ABCC9: variants seen among roughly 807,000 people sequenced by gnomAD.
The protein encoded by ABCC9 is ATP binding cassette subfamily C member 9.
A neutral mutation model predicts 188.3 loss-of-function variants in ABCC9; 95 were observed. The ratio of observed to expected loss-of-function variants is 0.50; its 90% CI spans 0.43 to 0.60. ABCC9 has a LOEUF of 0.60. Ranked by LOEUF, ABCC9 falls within the 20% of genes least tolerant of loss-of-function variation. ABCC9 has a pLI of 0.00. For synonymous variants in ABCC9, 659 were observed against 652.7 expected (o/e 1.01, Z -0.15); for missense variants, 1,102 against 1,876.3 (o/e 0.59, Z 7.62).
intron 39 of ABCC9, among the ~76,000 whole-genome samples, chr12:21,801,456 G>C (rs1419138306): frequency 6.6e-6 from 1 of 152,130 alleles, no homozygotes; most frequent in Non-Finnish European, 1.5e-5. Flanking sequence ...GAAACCTTAA[G>C]TTTAAGTAGG....
chr12:21,887,726 C>T, intron 15 of ABCC9, 100 bp downstream of exon 15: 1 of 848,748 alleles, frequency 1.2e-6, no homozygotes, highest in Non-Finnish European at 2.0e-6. Context: ...GGGTTAAAAA[C>T]TAAAGCTTAT....
At chr12:21,857,288 T>C (rs1945274130) in intron 22 of ABCC9, among the ~76,000 whole-genome samples, 1 of 152,142 alleles carries the variant, frequency 6.6e-6, no homozygotes, top group Non-Finnish European at 1.5e-5. Flanking sequence ...TGTGGAAGAA[T>C]TGAAAATACT....
intron 30 of ABCC9, among the ~76,000 whole-genome samples, chr12:21,834,301 G>A (rs1282578906): frequency 6.6e-6 from 1 of 152,102 alleles, no homozygotes; most frequent in Non-Finnish European, 1.5e-5. Context: ...CTCTCCCTTA[G>A]TAGGAAGATG....
intron 36 of ABCC9, 26 bp downstream of exon 36, chr12:21,812,023 C>T (rs1291173167): frequency 4.0e-6 from 6 of 1,482,566 alleles, no homozygotes; most frequent in Admixed American, 1.7e-5. Flanking sequence ...CTAAGGCATA[C>T]AGGTGTTGCT....
At chr12:21,803,165 C>T (rs1306890559) in intron 39 of ABCC9, among the ~76,000 whole-genome samples, 1 of 151,854 alleles carries the variant, frequency 6.6e-6, no homozygotes, top group African/African-American at 2.4e-5. Context: ...GCCATTTGCA[C>T]ACCCATGCAT....
intron 13 of ABCC9, 93 bp from the exon 14 acceptor site, chr12:21,894,267 C>A (rs1445506692): frequency 4.4e-6 from 6 of 1,351,780 alleles, no homozygotes; most frequent in Non-Finnish European, 6.3e-6. Context: ...TCTGCTATGC[C>A]AGTATGTCCA....
At chr12:21,821,386 T>C (rs1446561987) in intron 31 of ABCC9, among the ~76,000 whole-genome samples, 2 of 152,142 alleles carry the variant, frequency 1.3e-5, no homozygotes, top group Non-Finnish European at 2.9e-5. Context: ...ACCTAAGCCA[T>C]GAATTTCATC....
chr12:21,913,862 C>A (rs1469381347), intron 7 of ABCC9, among the ~76,000 whole-genome samples: 3 of 152,138 alleles, frequency 2.0e-5, no homozygotes, highest in Non-Finnish European at 2.9e-5. Context: ...GTTCCCTATG[C>A]AACCCCCTGT....
intron 31 of ABCC9, among the ~76,000 whole-genome samples, chr12:21,822,996 A>C (rs1943146523): frequency 6.6e-6 from 1 of 152,174 alleles, no homozygotes; most frequent in South Asian, 2.1e-4. Flanking sequence ...GAAGACAGCT[A>C]ATACTTGGGG....
rs543465800 is a variant in ABCC9 at position 21,888,692 on chromosome 12, T to C, written c.1803-758A>G. Among the ~76,000 whole-genome samples, 6 of 152,264 alleles carry C rather than the reference T, an allele frequency of 3.9e-5. No individual in the cohort carries two copies. In the East Asian group the frequency reaches 1.2e-3, roughly 29 times the overall value. ...CCAACATTCTTTAATGTGACCTCCT[T>C]AGGCTGGGCACAAGACTCCTTGGCT... On this transcript the variant is annotated intron_variant, in intron 14 of 39. Transcript: ENST00000261200.
chr12:21,903,272 A>T (rs1947861495), intron 12 of ABCC9, among the ~76,000 whole-genome samples: 1 of 152,210 alleles, frequency 6.6e-6, no homozygotes, highest in African/African-American at 2.4e-5. Flanking sequence ...TATTGATGGG[A>T]CGTATCTCAA....
intron 14 of ABCC9, among the ~76,000 whole-genome samples, chr12:21,893,830 A>C (rs1947282396): frequency 6.6e-6 from 1 of 152,238 alleles, no homozygotes; most frequent in East Asian, 1.9e-4. Flanking sequence ...AAAATGCTAG[A>C]TAAATTTAAA....
intron 29 of ABCC9, among the ~76,000 whole-genome samples, chr12:21,841,683 A>G (rs983087651): frequency 6.6e-6 from 1 of 151,994 alleles, no homozygotes; most frequent in African/African-American, 2.4e-5. Context: ...TTTTCTATCA[A>G]TGTCATGTTC....
intron 31 of ABCC9, among the ~76,000 whole-genome samples, chr12:21,826,616 C>T (rs528956222): frequency 2.6e-5 from 4 of 152,266 alleles, no homozygotes; most frequent in Middle Eastern, 3.4e-3. Flanking sequence ...AAGAGCAGAG[C>T]GACAGTGAAT....
chr12:21,907,798 A>T (rs1046581651), intron 11 of ABCC9, among the ~76,000 whole-genome samples: 1 of 152,026 alleles, frequency 6.6e-6, no homozygotes. Context: ...TAGACAAGTG[A>T]TCTAAGAAGA....
intron 5 of ABCC9, among the ~76,000 whole-genome samples, chr12:21,918,258 T>C (rs1056605451): frequency 1.3e-5 from 2 of 152,064 alleles, no homozygotes; most frequent in African/African-American, 4.8e-5. Context: ...GAAAGATACA[T>C]TAAAAAATAG....
At chr12:21,801,302 G>A (rs1368428345) in intron 39 of ABCC9, 121 bp from the exon 40 acceptor site, 5 of 1,295,160 alleles carry the variant, frequency 3.9e-6, no homozygotes, top group Non-Finnish European at 5.5e-6. Context: ...GTGACAAGAT[G>A]TAGGGATCAC....
At chr12:21,873,016 TATTCA>T (rs1313081263) in intron 17 of ABCC9, among the ~76,000 whole-genome samples, 4 of 151,910 alleles carry the variant, frequency 2.6e-5, no homozygotes. Flanking sequence ...TTAACTTTAA[TATTCA>T]ATTCATTCAG....
At chr12:21,808,975 C>T (rs914216783) in intron 37 of ABCC9, among the ~76,000 whole-genome samples, 1 of 151,966 alleles carries the variant, frequency 6.6e-6, no homozygotes, top group Non-Finnish European at 1.5e-5. Context: ...GTTGGCCCTG[C>T]TTTTCAAATA....
Sources: allele counts gnomAD v4.1 joint callset (sites outside exome capture counted in the v4.1 genomes callset), GRCh38; gene constraint gnomAD v4.1.1; transcripts MANE v1.5; gene names NCBI Gene and HGNC (gene_info 2026-07-23, HGNC 2026-07-21).